Variants in KPNB1 observed in about 807,000 individuals in gnomAD.
KPNB1 encodes the protein karyopherin subunit beta 1.
A neutral mutation model predicts 113.0 loss-of-function variants in KPNB1; 7 were observed. The observed-to-expected ratio is 0.06, with a 90% confidence interval of 0.04 to 0.12. KPNB1 has a LOEUF of 0.12. KPNB1 is among the 10% of genes least tolerant of loss of function. The pLI, the probability that KPNB1 is intolerant of heterozygous loss-of-function variation, is 1.00. For missense variants in KPNB1, 400 were observed against 1,054.8 expected, an observed-to-expected ratio of 0.38 and a Z score of 8.60; for synonymous variants, 363 against 378.6, an observed-to-expected ratio of 0.96 and a Z score of 0.48.
intron 5 of KPNB1, among the ~76,000 whole-genome samples, chr17:47,660,828 T>C (rs754449473): frequency 1.3e-5 from 2 of 152,276 alleles, no homozygotes; most frequent in African/African-American, 2.4e-5. Flanking sequence ...TTAAAACTTG[T>C]GACCTACATT....
chr17:47,671,180 CT>C (rs200326024), intron 12 of KPNB1, among the ~76,000 whole-genome samples: 15,568 of 152,122 alleles, frequency 0.1, 1,155 homozygotes, highest in Non-Finnish European at 0.15. Context: ...TTGCTTGAAC[CT>C]GGGAGATGGA....
chr17:47,666,630 T>C (rs1235072744), intron 9 of KPNB1, among the ~76,000 whole-genome samples: 1 of 147,108 alleles, frequency 6.8e-6, no homozygotes, highest in South Asian at 2.1e-4. Flanking sequence ...TTATATATAT[T>C]TATTTTTTAG....
Position 47,673,148 on chromosome 17 carries a change from C to G in KPNB1, c.1678C>G (p.Gln560Glu). 6.2e-7 allele frequency: 1 copy of G among 1,614,162 alleles called. No individual in the cohort carries two copies. The highest frequency in any genetic ancestry group is 1.1e-5 in the South Asian group (1 of 91,080). The change falls in exon 13 of 22, where the codon CAG becomes GAG. Residue 560 changes from glutamine (Q) to glutamate (E), a missense_variant. By Grantham distance (29) the Gln-to-Glu change is conservative. Transcript: ENST00000290158. ...TTLVIMERLQ[Q>E]VLQMESHIQS... Reference sequence around the variant, plus strand: ...TTTGGTCATCATGGAACGACTGCAACAGGTTCTTCAGATGGAGGTGAGACC... The same window carrying G: ...TTTGGTCATCATGGAACGACTGCAAGAGGTTCTTCAGATGGAGGTGAGACC...
At chr17:47,653,987 C>T (rs1396615386) in intron 3 of KPNB1, among the ~76,000 whole-genome samples, 5 of 152,278 alleles carry the variant, frequency 3.3e-5, no homozygotes, top group Admixed American at 3.3e-4. Context: ...CTGGAAATCT[C>T]GATACTGATA....
chr17:47,663,310 G>A (rs2030163956), intron 7 of KPNB1, 132 bp downstream of exon 7: 14 of 603,654 alleles, frequency 2.3e-5, no homozygotes, highest in African/African-American at 1.9e-5. Context: ...GAGACTGTTC[G>A]GTTTAAGCTC....
At chr17:47,650,645 C>T (rs1915530106) in intron 2 of KPNB1, among the ~76,000 whole-genome samples, 1 of 151,800 alleles carries the variant, frequency 6.6e-6, no homozygotes, top group Admixed American at 6.6e-5. Flanking sequence ...CCGGGCCTCG[C>T]GACTGGCCAA....
At chr17:47,658,439 C>A in intron 4 of KPNB1, 69 bp from the exon 5 acceptor site, 1 of 1,507,988 alleles carries the variant, frequency 6.6e-7, no homozygotes, top group Non-Finnish European at 9.0e-7. Flanking sequence ...TTGTTTGAAT[C>A]CACAGATGTG....
At chr17:47,661,509 C>T (rs1567889744) in intron 6 of KPNB1, among the ~76,000 whole-genome samples, 1 of 151,970 alleles carries the variant, frequency 6.6e-6, no homozygotes, top group Non-Finnish European at 1.5e-5. Flanking sequence ...GGCTGAGGTA[C>T]AAGAATCGCT....
chr17:47,662,989 CTCAA>C (rs200994229), intron 6 of KPNB1, 96 bp from the exon 7 acceptor site: 1 of 756,066 alleles, frequency 1.3e-6, no homozygotes, highest in Non-Finnish European at 2.4e-6. Context: ...CCATATTTAC[CTCAA>C]TTAATCCTTA....
rs368066725 is a variant in KPNB1, at chr17:47,680,688, T to G, written c.2630+19T>G. 3 of 1,609,334 alleles carry G rather than the reference T, an allele frequency of 1.9e-6. No homozygotes were observed. The highest frequency in any genetic ancestry group is 3.4e-5 in the Admixed American group (2 of 59,356). Reference sequence around the variant, plus strand: ...AAGCTTGGTAAGATCTTGCCTCCACTGTCCTCTTTCTTCTACTTCCTGGAG... The same window carrying G: ...AAGCTTGGTAAGATCTTGCCTCCACGGTCCTCTTTCTTCTACTTCCTGGAG... On this transcript the variant is annotated intron_variant, in intron 21 of 21. Coordinates refer to ENST00000290158, the MANE Select transcript of KPNB1 (RefSeq NM_002265.6).
At position 47,670,982 on chromosome 17, in the gene KPNB1, G is replaced by A. The variant is rs572408876; in HGVS notation, c.1547+150G>A. 82 of 736,030 alleles carry A rather than the reference G, an allele frequency of 1.1e-4. 1 individual carries two copies. In the East Asian group the frequency reaches 2.2e-3, roughly 20 times the overall value. 45.6% of individuals were successfully genotyped at this position (736,030 alleles called of 1,614,324 possible). A position where few individuals can be genotyped will look rare whatever the true frequency, so the allele number is the denominator to read the frequency against. On this transcript the variant is annotated intron_variant, in intron 12 of 21. Coordinates refer to ENST00000290158, the MANE Select transcript of KPNB1 (RefSeq NM_002265.6). ...AGGAATTAAAAGAAACCCGCTGGGCGCGGTGGCTCACGCCTATATTCCCAG... is the reference window on the plus strand; with the variant it reads ...AGGAATTAAAAGAAACCCGCTGGGCACGGTGGCTCACGCCTATATTCCCAG...
At chr17:47,668,105 A>G in intron 9 of KPNB1, 81 bp from the exon 10 acceptor site, 1 of 1,075,110 alleles carries the variant, frequency 9.3e-7, no homozygotes, top group Non-Finnish European at 1.4e-6. Flanking sequence ...TTCTAAAGAC[A>G]TTCAAGAGTA....
chr17:47,671,838 T>G (rs1567893137), intron 12 of KPNB1: 3 of 152,070 alleles, frequency 2.0e-5, no homozygotes, highest in Non-Finnish European at 4.4e-5. Context: ...ACTACCATAT[T>G]TTTATATAGG....
intron 2 of KPNB1, chr17:47,651,340 G>T (rs1255568799): frequency 1.0e-6 from 1 of 985,292 alleles, no homozygotes; most frequent in African/African-American, 1.7e-5. Flanking sequence ...TGGGGTCAGA[G>T]GGAAGGATTG....
At chr17:47,665,838 G>T (rs2030250253) in intron 9 of KPNB1, among the ~76,000 whole-genome samples, 1 of 152,180 alleles carries the variant, frequency 6.6e-6, no homozygotes, top group African/African-American at 2.4e-5. Flanking sequence ...TGCATGTGAA[G>T]TATTACCAAA....
chr17:47,660,486 C>T (rs964273608), intron 5 of KPNB1, among the ~76,000 whole-genome samples: 3 of 152,172 alleles, frequency 2.0e-5, no homozygotes, highest in Non-Finnish European at 2.9e-5. Flanking sequence ...AGTAAAATTG[C>T]CAGGGTCATG....
chr17:47,670,084 CATGGTAACCCAGTGGGGAAACT>C, intron 11 of KPNB1, among the ~76,000 whole-genome samples: 1 of 152,292 alleles, frequency 6.6e-6, no homozygotes, highest in Non-Finnish European at 1.5e-5. Context: ...TTAGAACAGT[CATGGTAACCCAGTGGGGAAACT>C]ATCTGGACTT....
rs1244838460 is a variant in KPNB1, at chr17:47,675,386, TTTG to T, written c.1912+607_1912+609del. Among the ~76,000 whole-genome samples, 34 of 96,620 alleles carry T rather than the reference TTTG, an allele frequency of 3.5e-4. 1 individual carries two copies. The highest frequency in any genetic ancestry group is 1.3e-3 in the African/African-American group (26 of 20,110). The allele number at this position is 96,620 out of a possible 152,430, so 63.4% of individuals were successfully genotyped here. A position where few individuals can be genotyped will look rare whatever the true frequency, so the allele number is the denominator to read the frequency against. On this transcript the variant is annotated intron_variant, in intron 15 of 21. Transcript: ENST00000290158. ...GTTTTTTTTTTGTTTTTTTTTTTTG[TTTG>T]TTTTTTTTTTGAGACTTGTTCTGTT...
At chr17:47,652,101 G>A (rs1915593287) in intron 2 of KPNB1, among the ~76,000 whole-genome samples, 2 of 152,172 alleles carry the variant, frequency 1.3e-5, no homozygotes, top group East Asian at 1.9e-4. Flanking sequence ...TAAAACGGAG[G>A]ATGAGGCTCC....
Sources: gnomAD v4.1 joint callset for allele counts (sites outside exome capture counted in the v4.1 genomes callset) on GRCh38, gnomAD v4.1.1 for gene constraint, MANE v1.5 for transcripts, NCBI Gene and HGNC (gene_info 2026-07-23, HGNC 2026-07-21) for gene names.